Variants in PTPRD observed in about 807,000 individuals in gnomAD.
PTPRD encodes protein tyrosine phosphatase receptor type D, also known as receptor-type tyrosine-protein phosphatase delta.
A neutral mutation model predicts 214.5 loss-of-function variants in PTPRD; 34 were observed. The observed-to-expected ratio is 0.16, with a 90% CI of 0.12 to 0.21. The LOEUF (loss-of-function observed/expected upper bound fraction) is 0.21. Among genes scored for constraint, PTPRD ranks in the 10% least tolerant of loss-of-function variants. The pLI is 1.00. For synonymous variants in PTPRD, 1,128 were observed against 845.7 expected, an observed-to-expected ratio of 1.33 and a Z score of -5.79; for missense variants, 2,545 against 2,398.7, an observed-to-expected ratio of 1.06 and a Z score of -1.27.
intron 11 of PTPRD, among the ~76,000 whole-genome samples, chr9:8,978,997 A>G (rs1359251438): frequency 6.6e-6 from 1 of 152,040 alleles, no homozygotes; most frequent in East Asian, 1.9e-4. Flanking sequence ...GTTTACAGTC[A>G]TGGTTACTTT....
Position 8,328,460 on chromosome 9 carries a change from C to T in PTPRD, c.5534+3122G>A, listed in dbSNP as rs558739168. Among the ~76,000 whole-genome samples, 270 of 152,202 alleles carry T rather than the reference C, an allele frequency of 1.8e-3. 1 individual carries two copies. Among genetic ancestry groups the T allele is most frequent in the African/African-American group, 6.1e-3 (252 of 41,516 alleles). Reference sequence around the variant, plus strand: ...TGGCTGCCCTTAACATTTTTTCCTTCGTTTCAAGCTTGGTGAATCTGATGA... The same window carrying T: ...TGGCTGCCCTTAACATTTTTTCCTTTGTTTCAAGCTTGGTGAATCTGATGA... On this transcript the variant is annotated intron_variant, in intron 44 of 45. Coordinates refer to ENST00000381196, the MANE Select transcript of PTPRD (RefSeq NM_002839.4).
At chr9:8,724,531 A>T (rs2098537141) in intron 12 of PTPRD, among the ~76,000 whole-genome samples, 1 of 152,152 alleles carries the variant, frequency 6.6e-6, no homozygotes, top group Non-Finnish European at 1.5e-5. Flanking sequence ...TTAAAGTTGT[A>T]AATGTCTTCC....
At chr9:9,706,659 C>G (rs1353381072) in intron 7 of PTPRD, among the ~76,000 whole-genome samples, 1 of 151,940 alleles carries the variant, frequency 6.6e-6, no homozygotes, top group Admixed American at 6.6e-5. Flanking sequence ...AACCTGGTCT[C>G]GAATTCTTGA....
At chr9:8,743,124 G>GGT (rs1555254388) in intron 11 of PTPRD, among the ~76,000 whole-genome samples, 2 of 143,758 alleles carry the variant, frequency 1.4e-5, no homozygotes, top group Non-Finnish European at 3.1e-5. Flanking sequence ...AGGGGGGGGG[G>GGT]ACTTTTAAGA....
At chr9:8,934,013 C>G (rs4483212) in intron 11 of PTPRD, among the ~76,000 whole-genome samples, 38,933 of 151,786 alleles carry the variant, frequency 0.26, 5,891 homozygotes, top group Middle Eastern at 0.33. Context: ...GGCTCTAAAA[C>G]TTCAGATGCT....
intron 3 of PTPRD, among the ~76,000 whole-genome samples, chr9:10,155,680 T>C (rs1473715190): frequency 6.6e-6 from 1 of 152,188 alleles, no homozygotes; most frequent in African/African-American, 2.4e-5. Context: ...ATCAAAAGCT[T>C]CCTCTCCATC....
In PTPRD at chr9:9,106,262, A is replaced by T. The variant is rs1041519634; in HGVS notation, c.-143+77042T>A. The stretch of plus-strand genomic sequence containing the variant: ...TCTCAGTCACATCTGCAGTGGAGGG[A>T]AGTACACAGGATTTGGAAATGAAGG... On this transcript the variant is annotated intron_variant, in intron 10 of 45. Coordinates refer to ENST00000381196, the MANE Select transcript of PTPRD (RefSeq NM_002839.4). 2.0e-5 allele frequency among the ~76,000 whole-genome samples: 3 copies of T among 152,188 alleles called. No individual in the cohort carries two copies. In the South Asian group the frequency reaches 6.2e-4, roughly 32 times the overall value.
intron 3 of PTPRD, among the ~76,000 whole-genome samples, chr9:10,287,877 G>C (rs2095411648): frequency 6.6e-6 from 1 of 151,838 alleles, no homozygotes; most frequent in East Asian, 1.9e-4. Context: ...ATAGTGTTTT[G>C]CCAGACAGAG....
At chr9:10,374,593 T>G (rs1165307983) in intron 2 of PTPRD, among the ~76,000 whole-genome samples, 2 of 152,008 alleles carry the variant, frequency 1.3e-5, no homozygotes, top group Non-Finnish European at 2.9e-5. Flanking sequence ...GGAATTGAAT[T>G]GGAGAACCTA....
chr9:10,367,101 G>T (rs538639990), intron 2 of PTPRD, among the ~76,000 whole-genome samples: 1 of 149,940 alleles, frequency 6.7e-6, no homozygotes, highest in South Asian at 2.1e-4. Context: ...AAAAGGACCT[G>T]TGCCTTATAT....
At chr9:9,442,817 C>T (rs866017981) in intron 8 of PTPRD, among the ~76,000 whole-genome samples, 1 of 151,890 alleles carries the variant, frequency 6.6e-6, no homozygotes, top group Non-Finnish European at 1.5e-5. Flanking sequence ...AGTGTTTTAC[C>T]CTAAACATGA....
intron 7 of PTPRD, among the ~76,000 whole-genome samples, chr9:9,585,878 TC>T (rs1038980270): frequency 6.6e-6 from 1 of 151,990 alleles, no homozygotes; most frequent in African/African-American, 2.4e-5. Context: ...TGAGGTGTGT[TC>T]TGATTGGAGA....
chr9:9,109,401 C>T (rs1785213062), intron 10 of PTPRD, among the ~76,000 whole-genome samples: 1 of 152,066 alleles, frequency 6.6e-6, no homozygotes, highest in Non-Finnish European at 1.5e-5. Flanking sequence ...CTCACTGTTG[C>T]CTATGAACTG....
rs552520194 is a variant in PTPRD at position 8,875,392 on chromosome 9, G to C, written c.-103-141446C>G. ...TTTTTTTTTTAATTAGCCAGACATAGTGGCACATTCCTGTAGTCCCAGCTA... is the reference window on the plus strand; with the variant it reads ...TTTTTTTTTTAATTAGCCAGACATACTGGCACATTCCTGTAGTCCCAGCTA... On this transcript the variant is annotated intron_variant, in intron 11 of 45. Coordinates refer to ENST00000381196, the MANE Select transcript of PTPRD (RefSeq NM_002839.4). Among the ~76,000 whole-genome samples the C allele has an allele frequency of 4.6e-5, 7 of 152,150 alleles. No individual in the cohort carries two copies. The East Asian group carries it at 1.4e-3, about 29-fold the overall frequency.
chr9:8,484,558 T>C (rs776231812), intron 29 of PTPRD, among the ~76,000 whole-genome samples, 180 bp from the exon 30 acceptor site: 4 of 131,440 alleles, frequency 3.0e-5, no homozygotes, highest in African/African-American at 1.3e-4. Flanking sequence ...TGTCATTTCC[T>C]ACTGTGTAAT....
chr9:9,617,136 T>C (rs1270043544), intron 7 of PTPRD, among the ~76,000 whole-genome samples: 2 of 152,188 alleles, frequency 1.3e-5, no homozygotes, highest in Non-Finnish European at 2.9e-5. Flanking sequence ...GAATGCTTAT[T>C]CTGGGAGTTT....
intron 14 of PTPRD, among the ~76,000 whole-genome samples, chr9:8,588,215 G>A (rs1483846758): frequency 1.3e-5 from 2 of 152,210 alleles, no homozygotes; most frequent in Non-Finnish European, 2.9e-5. Flanking sequence ...TCTTGTTACA[G>A]AAGAGCTTCA....
At chr9:9,190,934 C>A (rs961390007) in intron 9 of PTPRD, among the ~76,000 whole-genome samples, 10 of 151,966 alleles carry the variant, frequency 6.6e-5, no homozygotes, top group African/African-American at 2.2e-4. Flanking sequence ...AAGGCTGAAC[C>A]ATAGAGTTCA....
chr9:8,958,544 C>A (rs551057519), intron 11 of PTPRD, among the ~76,000 whole-genome samples: 1 of 151,884 alleles, frequency 6.6e-6, no homozygotes, highest in East Asian at 1.9e-4. Flanking sequence ...ATGATAAACC[C>A]ATTATCTACA....
Sources: allele counts gnomAD v4.1 joint callset (sites outside exome capture counted in the v4.1 genomes callset), GRCh38; gene constraint gnomAD v4.1.1; transcripts MANE v1.5; gene names NCBI Gene and HGNC (gene_info 2026-07-23, HGNC 2026-07-21).